The following VWC2 variants were observed in gnomAD, a reference collection of about 807,000 sequenced individuals.
VWC2 encodes the protein von Willebrand factor C domain containing 2, also known as brorin.
VWC2 carries 14 observed loss-of-function variants against 29.8 expected under a neutral mutation model. That is an observed-to-expected ratio of 0.47 (90% CI 0.31 to 0.74). The LOEUF is 0.74. Ranked by LOEUF, VWC2 falls within the 30% of genes least tolerant of loss-of-function variation. VWC2 has a pLI of 0.05. For synonymous variants in VWC2, 213 were observed against 199.0 expected (o/e 1.07, Z -0.59); for missense variants, 457 against 459.8 (o/e 0.99, Z 0.05).
intron 3 of VWC2, among the ~76,000 whole-genome samples, chr7:49,899,176 A>C (rs976583085): frequency 6.6e-6 from 1 of 152,030 alleles, no homozygotes; most frequent in Non-Finnish European, 1.5e-5. Flanking sequence ...GAAACCTTAG[A>C]TAGTATTGAA....
chr7:49,837,168 C>T (rs1789683388), intron 3 of VWC2, among the ~76,000 whole-genome samples: 1 of 152,112 alleles, frequency 6.6e-6, no homozygotes, highest in Non-Finnish European at 1.5e-5. Flanking sequence ...TAGAGATGTG[C>T]AGACTTTAAA....
At chr7:49,830,522 T>C (rs949346679) in intron 3 of VWC2, among the ~76,000 whole-genome samples, 1 of 152,218 alleles carries the variant, frequency 6.6e-6, no homozygotes, top group Non-Finnish European at 1.5e-5. Context: ...GTTTTCTCTT[T>C]TTTATTATTA....
intron 3 of VWC2, among the ~76,000 whole-genome samples, chr7:49,813,806 G>A (rs975112802): frequency 6.6e-6 from 1 of 152,130 alleles, no homozygotes; most frequent in Non-Finnish European, 1.5e-5. Flanking sequence ...ATCATATACA[G>A]CTAGTTAGTA....
intron 3 of VWC2, among the ~76,000 whole-genome samples, chr7:49,815,116 T>C (rs1789105854): frequency 6.6e-6 from 1 of 152,230 alleles, no homozygotes; most frequent in African/African-American, 2.4e-5. Context: ...GGCACTCTTA[T>C]AAAACACTGA....
At position 49,796,601 on chromosome 7, in the gene VWC2, T is replaced by G. The variant is rs533004130; in HGVS notation, c.697-6110T>G. On this transcript the variant is annotated intron_variant, in intron 2 of 3. Coordinates refer to ENST00000340652, the MANE Select transcript of VWC2 (RefSeq NM_198570.5). Reference sequence around the variant, plus strand: ...GGTAGATGGTGAGGGTTGCTGCTGTTGCAGACAGGATAGAGTAGGAGGTAG... The same window carrying G: ...GGTAGATGGTGAGGGTTGCTGCTGTGGCAGACAGGATAGAGTAGGAGGTAG... Among the ~76,000 whole-genome samples the G allele has an allele frequency of 9.8e-5, 15 of 152,328 alleles. 2 individuals are homozygous for G. The South Asian group carries it at 3.1e-3, about 32-fold the overall frequency.
intron 3 of VWC2, among the ~76,000 whole-genome samples, chr7:49,893,582 C>T (rs1028366117): frequency 4.6e-5 from 7 of 151,142 alleles, no homozygotes; most frequent in African/African-American, 1.7e-4. Flanking sequence ...ACAAACACAT[C>T]AACATATTTT....
chr7:49,817,866 A>G (rs780268951), intron 3 of VWC2, among the ~76,000 whole-genome samples: 5 of 152,236 alleles, frequency 3.3e-5, no homozygotes, highest in Admixed American at 6.5e-5. Context: ...AGGGGGAAAA[A>G]CATTGCCAAT....
chr7:49,901,863 T>A (rs765537319), intron 3 of VWC2, among the ~76,000 whole-genome samples: 46 of 151,890 alleles, frequency 3.0e-4, no homozygotes, highest in Admixed American at 4.6e-4. Context: ...TAGACTCAGA[T>A]AAATATGAAC....
intron 3 of VWC2, among the ~76,000 whole-genome samples, chr7:49,871,367 T>G (rs1403147827): frequency 6.6e-6 from 1 of 152,158 alleles, no homozygotes; most frequent in Non-Finnish European, 1.5e-5. Context: ...TTTTCTTTAT[T>G]ATAACATTGC....
At chr7:49,887,126 G>C (rs1243655283) in intron 3 of VWC2, among the ~76,000 whole-genome samples, 1 of 152,180 alleles carries the variant, frequency 6.6e-6, no homozygotes, top group East Asian at 1.9e-4. Flanking sequence ...ACAAGGGTTT[G>C]TATATTTTAA....
chr7:49,877,469 A>AAAAAAAAAT (rs1334518126), intron 3 of VWC2, among the ~76,000 whole-genome samples: 1 of 16,316 alleles, frequency 6.1e-5, no homozygotes, highest in Non-Finnish European at 1.1e-4. Context: ...TCTCAAAAAA[A>AAAAAAAAAT]AAAAAAAAAA....
At chr7:49,790,531 T>A (rs1397549817) in intron 2 of VWC2, among the ~76,000 whole-genome samples, 2 of 152,198 alleles carry the variant, frequency 1.3e-5, no homozygotes, top group Non-Finnish European at 2.9e-5. Flanking sequence ...GCTATAATCC[T>A]TGTGGTGGAG....
At position 49,901,840 on chromosome 7, in the gene VWC2, G is replaced by C. The variant is rs186797494; in HGVS notation, c.827-10194G>C. Among the ~76,000 whole-genome samples the C allele has an allele frequency of 9.9e-5, 14 of 141,966 alleles. No homozygotes were observed. The Admixed American group carries it at 1.1e-3, about 11-fold the overall frequency. 93.1% of individuals were successfully genotyped at this position (141,966 alleles called of 152,430 possible). A position where few individuals can be genotyped will look rare whatever the true frequency, so the allele number is the denominator to read the frequency against. ...ACACATTGATCAATGGAACAGAATAGAGAGCCCAGAAATAGACTCAGATAA... is the reference window on the plus strand; with the variant it reads ...ACACATTGATCAATGGAACAGAATACAGAGCCCAGAAATAGACTCAGATAA... On this transcript the variant is annotated intron_variant, in intron 3 of 3. Transcript: ENST00000340652.
intron 2 of VWC2, among the ~76,000 whole-genome samples, chr7:49,796,386 T>C (rs921721191): frequency 2.0e-5 from 3 of 152,320 alleles, no homozygotes; most frequent in Admixed American, 1.3e-4. Context: ...CAGTGCACTT[T>C]GCAGCAGTGG....
At chr7:49,872,703 C>T (rs1430758983) in intron 3 of VWC2, among the ~76,000 whole-genome samples, 3 of 149,292 alleles carry the variant, frequency 2.0e-5, no homozygotes, top group Non-Finnish European at 3.0e-5. Context: ...GTCAGGAGTT[C>T]CAGACCAGCC....
chr7:49,785,958 C>G (rs1788285038), intron 2 of VWC2, among the ~76,000 whole-genome samples: 1 of 152,176 alleles, frequency 6.6e-6, no homozygotes, highest in Non-Finnish European at 1.5e-5. Flanking sequence ...GTTTACTAAG[C>G]TGTACACCAG....
chr7:49,898,220 T>C (rs1237475349), intron 3 of VWC2, among the ~76,000 whole-genome samples: 1 of 151,978 alleles, frequency 6.6e-6, no homozygotes, highest in Admixed American at 6.6e-5. Context: ...TATATGTATA[T>C]ACACACACAC....
At chr7:49,922,003 A>T (rs1794039974), downstream of VWC2, 1 of 152,212 alleles carries the variant, frequency 6.6e-6, no homozygotes, top group African/African-American at 2.4e-5. Context: ...GAAATATTTT[A>T]GCTTTTGAAA....
intron 2 of VWC2, among the ~76,000 whole-genome samples, chr7:49,792,531 C>T (rs1195141881): frequency 6.6e-6 from 1 of 152,168 alleles, no homozygotes. Context: ...CATGGAAGCT[C>T]AGGAAGGAAA....
Sources: allele counts gnomAD v4.1 joint callset (sites outside exome capture counted in the v4.1 genomes callset), GRCh38; gene constraint gnomAD v4.1.1; transcripts MANE v1.5; gene names NCBI Gene and HGNC (gene_info 2026-07-23, HGNC 2026-07-21).